Variants in GPLD1 observed in about 807,000 individuals in gnomAD.
GPLD1 encodes glycosylphosphatidylinositol specific phospholipase D1.
In GPLD1, 84 loss-of-function variants were observed where a neutral mutation model predicts 112.6. That is an observed-to-expected ratio of 0.75 (90% CI 0.63 to 0.89). GPLD1 has a LOEUF of 0.89. Ranked by LOEUF, GPLD1 falls within the 40% of genes least tolerant of loss-of-function variation. The pLI is 0.00. For synonymous variants in GPLD1, 386 were observed against 403.8 expected (o/e 0.96, Z 0.53); for missense variants, 1,044 against 1,051.5 (o/e 0.99, Z 0.10).
intron 24 of GPLD1, 82 bp from the exon 25 acceptor site, chr6:24,429,200 C>A: frequency 1.3e-6 from 1 of 791,744 alleles, no homozygotes; most frequent in South Asian, 1.9e-5. Flanking sequence ...TCATGCTATG[C>A]TCTAGAAATA....
intron 10 of GPLD1, 40 bp from the exon 11 acceptor site, chr6:24,462,835 C>A (rs1763480998): frequency 2.2e-6 from 3 of 1,349,460 alleles, no homozygotes; most frequent in African/African-American, 2.9e-5. Context: ...TTATCTACTT[C>A]TTCACAAGCA....
rs78329771 is a variant in GPLD1, at chr6:24,440,350, G to C, written c.2021-3061C>G. ...CTGACCTACTCAAGAGGCTTGAGGCGGCAGGATCGCTTGACCTCAGGTGTT... is the reference window on the plus strand; with the variant it reads ...CTGACCTACTCAAGAGGCTTGAGGCCGCAGGATCGCTTGACCTCAGGTGTT... On this transcript the variant is annotated intron_variant, in intron 20 of 24. Coordinates refer to ENST00000230036, the MANE Select transcript of GPLD1 (RefSeq NM_001503.4). Among the ~76,000 whole-genome samples the C allele has an allele frequency of 2.0e-3, 300 of 152,178 alleles. 2 individuals carry two copies. The highest frequency in any genetic ancestry group is 6.9e-3 in the African/African-American group (286 of 41,536).
At chr6:24,455,999 A>G (rs1402847464) in intron 13 of GPLD1, among the ~76,000 whole-genome samples, 2 of 152,116 alleles carry the variant, frequency 1.3e-5, no homozygotes. Flanking sequence ...ACATAGCAAG[A>G]CCCCATCTCT....
intron 3 of GPLD1, among the ~76,000 whole-genome samples, chr6:24,477,500 CCT>C (rs1053291298): frequency 5.9e-5 from 9 of 151,976 alleles, no homozygotes; most frequent in African/African-American, 2.2e-4. Flanking sequence ...GGGAGGACCC[CCT>C]GAGGCCAGGA....
rs1763652420 is a variant in GPLD1 at position 24,467,306 on chromosome 6, T to G, written c.546-32A>C. 3 of 1,183,638 alleles carry G rather than the reference T, an allele frequency of 2.5e-6. No individual in the cohort carries two copies. In the African/African-American group the frequency reaches 4.5e-5, roughly 18 times the overall value. The allele number at this position is 1,183,638 out of a possible 1,614,324, so 73.3% of individuals were successfully genotyped here. A position where few individuals can be genotyped will look rare whatever the true frequency, so the allele number is the denominator to read the frequency against. On this transcript the variant is annotated intron_variant, in intron 7 of 24. Coordinates refer to ENST00000230036, the MANE Select transcript of GPLD1 (RefSeq NM_001503.4). ...AATGCAGAATAAAGTAAGAGTTGTT[T>G]TGATTCTGAAGCTGAAAATAGTAAC...
chr6:24,433,973 G>A (rs9461008), intron 22 of GPLD1, among the ~76,000 whole-genome samples: 9,777 of 152,168 alleles, frequency 0.064, 740 homozygotes, highest in African/African-American at 0.18. Flanking sequence ...AACAATGGTT[G>A]CCTGAATAAT....
chr6:24,461,973 C>A (rs999520021), intron 11 of GPLD1, among the ~76,000 whole-genome samples: 2 of 152,124 alleles, frequency 1.3e-5, no homozygotes, highest in Non-Finnish European at 2.9e-5. Context: ...CTGACTCCAG[C>A]AGAAAATATC....
intron 20 of GPLD1, among the ~76,000 whole-genome samples, chr6:24,442,002 A>G (rs898879597): frequency 6.7e-6 from 1 of 148,492 alleles, no homozygotes; most frequent in African/African-American, 2.4e-5. Context: ...AGACACATAC[A>G]TGTATATATA....
At chr6:24,477,694 C>A (rs1340098162) in intron 3 of GPLD1, among the ~76,000 whole-genome samples, 1 of 152,036 alleles carries the variant, frequency 6.6e-6, no homozygotes, top group Non-Finnish European at 1.5e-5. Context: ...TGCACCACTG[C>A]ACCCCAGCCT....
At chr6:24,479,414 C>A (rs2253794) in intron 3 of GPLD1, among the ~76,000 whole-genome samples, 74,133 of 151,988 alleles carry the variant, frequency 0.49, 18,689 homozygotes, top group African/African-American at 0.59. Context: ...ATAGTATCTG[C>A]GATTTGCATA....
intron 7 of GPLD1, among the ~76,000 whole-genome samples, chr6:24,468,558 T>TA (rs201753880): frequency 7.0e-5 from 10 of 142,806 alleles, no homozygotes; most frequent in African/African-American, 2.8e-4. Context: ...TTTTTTTATT[T>TA]TTATTTTTTT....
intron 20 of GPLD1, among the ~76,000 whole-genome samples, chr6:24,442,037 T>C (rs1268530794): frequency 1.4e-5 from 2 of 145,328 alleles, no homozygotes; most frequent in African/African-American, 4.9e-5. Flanking sequence ...TATACATTTA[T>C]ATTATATATT....
chr6:24,465,326 A>C (rs1394184895), intron 10 of GPLD1, among the ~76,000 whole-genome samples: 1 of 151,612 alleles, frequency 6.6e-6, no homozygotes, highest in Non-Finnish European at 1.5e-5. Context: ...GATCACTTGG[A>C]TCTCAGGAGG....
At chr6:24,440,183 T>A (rs984763354) in intron 20 of GPLD1, among the ~76,000 whole-genome samples, 1 of 136,052 alleles carries the variant, frequency 7.4e-6, no homozygotes, top group East Asian at 2.0e-4. Context: ...TTGCCAGGCA[T>A]GATGGCTCAT....
intron 7 of GPLD1, among the ~76,000 whole-genome samples, chr6:24,472,094 A>G (rs1763844410): frequency 1.3e-5 from 2 of 152,252 alleles, no homozygotes; most frequent in Non-Finnish European, 2.9e-5. Flanking sequence ...TCACAAATAA[A>G]TAAAAAGGAT....
At chr6:24,480,636 G>A (rs1199086283) in intron 2 of GPLD1, among the ~76,000 whole-genome samples, 7 of 148,436 alleles carry the variant, frequency 4.7e-5, no homozygotes, top group East Asian at 1.9e-4. Flanking sequence ...GTAAGATGAC[G>A]TCCTTTGTGT....
At chr6:24,424,958 G>A (rs541448237), downstream of GPLD1, 17 of 152,092 alleles carry the variant, frequency 1.1e-4, no homozygotes, top group African/African-American at 3.6e-4. Context: ...CCTGTGTGTG[G>A]TCATGGGAAG....
At chr6:24,485,520 CTT>C (rs1332855883) in intron 2 of GPLD1, among the ~76,000 whole-genome samples, 2 of 152,066 alleles carry the variant, frequency 1.3e-5, no homozygotes, top group Non-Finnish European at 2.9e-5. Context: ...TCATTAAAAT[CTT>C]TAAATTTTAA....
chr6:24,443,667 G>GT (rs544691415), intron 20 of GPLD1, among the ~76,000 whole-genome samples: 2 of 151,082 alleles, frequency 1.3e-5, no homozygotes, highest in African/African-American at 2.5e-5. Context: ...TAATCCACTT[G>GT]TTTTTTTGTT....
Sources: allele counts gnomAD v4.1 joint callset (sites outside exome capture counted in the v4.1 genomes callset), GRCh38; gene constraint gnomAD v4.1.1; transcripts MANE v1.5; gene names NCBI Gene and HGNC (gene_info 2026-07-23, HGNC 2026-07-21).